The following SMURF2 variants were observed in gnomAD, a reference collection of about 807,000 sequenced individuals.
SMURF2 encodes E3 ubiquitin-protein ligase SMURF2.
Under a neutral mutation model 109.6 loss-of-function variants are expected in SMURF2, and 48 were observed. The ratio of observed to expected loss-of-function variants is 0.44; its 90% confidence interval spans 0.35 to 0.56. The LOEUF (loss-of-function observed/expected upper bound fraction) is 0.56. SMURF2 is among the 20% of genes least tolerant of loss of function. The probability of loss-of-function intolerance (pLI) is 0.01; values close to 1 mark genes in which losing one functional copy is unlikely to be tolerated. For missense variants in SMURF2, 575 were observed against 909.0 expected (o/e 0.63, Z 4.72); for synonymous variants, 288 against 317.1 (o/e 0.91, Z 0.97).
At chr17:64,586,411 C>A (rs1282225509) in intron 5 of SMURF2, among the ~76,000 whole-genome samples, 1 of 152,052 alleles carries the variant, frequency 6.6e-6, no homozygotes, top group Non-Finnish European at 1.5e-5. Context: ...ATTCCTTTTT[C>A]ACCATAGTAA....
intron 16 of SMURF2, among the ~76,000 whole-genome samples, chr17:64,550,008 T>C (rs1264174196): frequency 2.0e-5 from 3 of 152,230 alleles, no homozygotes; most frequent in African/African-American, 7.2e-5. Context: ...TAAATTCTTT[T>C]CTTCAGAGGA....
intron 1 of SMURF2, among the ~76,000 whole-genome samples, chr17:64,615,757 T>C (rs1339759393): frequency 6.6e-6 from 1 of 152,166 alleles, no homozygotes; most frequent in African/African-American, 2.4e-5. Context: ...AAGTAAATGA[T>C]AGCAAACAGC....
chr17:64,557,528 T>G (rs1443073569), intron 13 of SMURF2, 80 bp downstream of exon 13: 4 of 964,546 alleles, frequency 4.1e-6, no homozygotes, highest in Non-Finnish European at 6.3e-6. Flanking sequence ...GACAAATAAT[T>G]TCTATATAAT....
chr17:64,547,848 AC>A lies in SMURF2; in HGVS notation c.1870-48del. On this transcript the variant is annotated intron_variant, in intron 16 of 18. Coordinates refer to ENST00000262435, the MANE Select transcript of SMURF2 (RefSeq NM_022739.4). The surrounding 1 kb of genome is among the most constrained non-coding windows in gnomAD (Gnocchi z 4.2). ...ATGAACCTGTGGAAACCACAGCCAG[AC>A]CAAAAATTCCTCAAAAGAGAACTTT... 1 of 1,569,566 alleles carries A rather than the reference AC, an allele frequency of 6.4e-7. No homozygotes were observed.
intron 1 of SMURF2, among the ~76,000 whole-genome samples, chr17:64,614,112 C>A (rs1402153753): frequency 8.5e-5 from 13 of 152,160 alleles, no homozygotes; most frequent in African/African-American, 3.1e-4. Context: ...GTTGTAAATA[C>A]AGATGATGCT....
Position 64,544,470 on chromosome 17 carries a change from T to C in SMURF2, c.*1378A>G, listed in dbSNP as rs1442588410. On this transcript the variant is annotated 3_prime_UTR_variant, in exon 19 of 19. Coordinates refer to ENST00000262435, the MANE Select transcript of SMURF2 (RefSeq NM_022739.4). ...AAAAAAAAACTGATAGTACATATTTTTGATGGTTGAATTTAAAAATCCAAC... is the reference window on the plus strand; with the variant it reads ...AAAAAAAAACTGATAGTACATATTTCTGATGGTTGAATTTAAAAATCCAAC... 1.3e-5 allele frequency: 2 copies of C among 152,230 alleles called. No homozygotes were observed. Among genetic ancestry groups the C allele is most frequent in the African/African-American group, 4.8e-5 (2 of 41,456 alleles). The allele number at this position is 152,230 out of a possible 1,614,324, so 9.4% of individuals were successfully genotyped here.
chr17:64,639,997 T>C (rs1970473749), intron 1 of SMURF2, among the ~76,000 whole-genome samples: 2 of 152,212 alleles, frequency 1.3e-5, no homozygotes, highest in South Asian at 4.1e-4. Context: ...ACCATACTAA[T>C]GTAAGATTAG....
chr17:64,637,307 A>G (rs1428547627), intron 1 of SMURF2, among the ~76,000 whole-genome samples: 1 of 151,736 alleles, frequency 6.6e-6, no homozygotes, highest in Admixed American at 6.6e-5. Context: ...TTGTATTTTT[A>G]GTAGAGACGG....
chr17:64,562,077 G>A (rs1381169267), intron 11 of SMURF2, among the ~76,000 whole-genome samples: 2 of 151,690 alleles, frequency 1.3e-5, no homozygotes, highest in Admixed American at 6.6e-5. Context: ...GGCATATCAC[G>A]AGGTCAAGAG....
At chr17:64,574,979 T>C (rs1276089052) in intron 9 of SMURF2, among the ~76,000 whole-genome samples, 4 of 152,152 alleles carry the variant, frequency 2.6e-5, no homozygotes, top group Non-Finnish European at 5.9e-5. Context: ...AAGTAATTTC[T>C]AATTAATTTA....
intron 1 of SMURF2, among the ~76,000 whole-genome samples, chr17:64,627,192 G>A (rs1970279442): frequency 7.3e-6 from 1 of 137,752 alleles, no homozygotes; most frequent in Admixed American, 8.3e-5. Context: ...TTGGCTCACT[G>A]CAACCTCCAC....
At chr17:64,554,458 A>G (rs1437327446) in intron 15 of SMURF2, among the ~76,000 whole-genome samples, 1 of 152,120 alleles carries the variant, frequency 6.6e-6, no homozygotes, top group African/African-American at 2.4e-5. Context: ...GTGGTCATGG[A>G]GAGAGGGAAT....
chr17:64,605,865 T>G (rs1275643308), intron 2 of SMURF2, among the ~76,000 whole-genome samples: 5 of 148,340 alleles, frequency 3.4e-5, no homozygotes, highest in East Asian at 3.9e-4. Context: ...ATTTAAAAAT[T>G]TAATGAATCA....
At chr17:64,597,082 G>C (rs782767190) in intron 3 of SMURF2, among the ~76,000 whole-genome samples, 4 of 152,150 alleles carry the variant, frequency 2.6e-5, no homozygotes, top group Non-Finnish European at 5.9e-5. Context: ...TGTGTCATGA[G>C]AATGGGGATG....
At position 64,611,198 on chromosome 17, in the gene SMURF2, T is replaced by C. The variant is rs9915348; in HGVS notation, c.53-4558A>G. On this transcript the variant is annotated intron_variant, in intron 1 of 18. Transcript: ENST00000262435. ...GCAATTATACGTAAACTGTTACATA[T>C]ATGTTTATTTTCTGGGGAGAGAATC... Among the ~76,000 whole-genome samples the C allele has an allele frequency of 9.1e-3, 1,393 of 152,332 alleles. 27 individuals are homozygous for C. The highest frequency in any genetic ancestry group is 0.032 in the African/African-American group (1,316 of 41,566).
intron 11 of SMURF2, among the ~76,000 whole-genome samples, chr17:64,561,882 C>G (rs1969225343): frequency 6.6e-6 from 1 of 152,110 alleles, no homozygotes; most frequent in African/African-American, 2.4e-5. Context: ...CACCTGTAGT[C>G]CTAGCTACTT....
intron 12 of SMURF2, among the ~76,000 whole-genome samples, chr17:64,558,121 T>C (rs1160218167): frequency 6.6e-6 from 1 of 152,122 alleles, no homozygotes; most frequent in East Asian, 1.9e-4. Flanking sequence ...CATGTGAGGC[T>C]GGGGACGGTG....
chr17:64,640,467 C>T (rs1970479200), intron 1 of SMURF2, among the ~76,000 whole-genome samples: 1 of 152,114 alleles, frequency 6.6e-6, no homozygotes, highest in Non-Finnish European at 1.5e-5. Flanking sequence ...TCAACAGGGG[C>T]AGATTATATA....
intron 16 of SMURF2, among the ~76,000 whole-genome samples, chr17:64,548,763 C>T (rs1261071567): frequency 3.3e-5 from 5 of 152,140 alleles, no homozygotes; most frequent in African/African-American, 4.8e-5. Flanking sequence ...CTCTGCTAAA[C>T]ACATCCTGAT....
Sources: gnomAD v4.1 joint callset for allele counts (sites outside exome capture counted in the v4.1 genomes callset) on GRCh38, gnomAD v4.1.1 for gene constraint, Gnocchi (gnomAD v3.1) non-coding constraint, MANE v1.5 for transcripts, NCBI Gene and HGNC (gene_info 2026-07-23, HGNC 2026-07-21) for gene names.